The following ACVR1C variants were observed in gnomAD, a reference collection of about 807,000 sequenced individuals.
ACVR1C encodes the protein activin A receptor type 1C, also known as activin receptor type-1C.
ACVR1C carries 23 observed loss-of-function variants against 57.9 expected under a neutral mutation model. That is an observed-to-expected ratio of 0.40 (90% CI 0.29 to 0.56). The LOEUF (loss-of-function observed/expected upper bound fraction) is 0.56. ACVR1C is among the 20% of genes least tolerant of loss of function. The pLI is 0.50. For synonymous variants in ACVR1C, 214 were observed against 215.3 expected, an observed-to-expected ratio of 0.99 and a Z score of 0.05; for missense variants, 480 against 607.9, an observed-to-expected ratio of 0.79 and a Z score of 2.21.
chr2:157,574,935 C>T (rs764914608), intron 2 of ACVR1C, among the ~76,000 whole-genome samples: 6 of 152,068 alleles, frequency 3.9e-5, no homozygotes, highest in African/African-American at 1.2e-4. Context: ...TGGAGGTATA[C>T]TCATGTGCCA....
intron 2 of ACVR1C, among the ~76,000 whole-genome samples, chr2:157,557,670 A>G (rs1688136782): frequency 6.6e-6 from 1 of 152,216 alleles, no homozygotes. Context: ...AATCACTAAA[A>G]GTTCTACTAG....
intron 8 of ACVR1C, among the ~76,000 whole-genome samples, chr2:157,534,944 C>T (rs1687445690): frequency 6.6e-6 from 1 of 151,910 alleles, no homozygotes; most frequent in East Asian, 1.9e-4. Flanking sequence ...TTGCTTAAGC[C>T]CAGGAGTTCA....
chr2:157,547,627 T>C lies in ACVR1C; in HGVS notation c.775+2535A>G, dbSNP rs566942311. On this transcript the variant is annotated intron_variant, in intron 4 of 8. Transcript: ENST00000243349. ...TGCATAAATGTCTTCTTTTGAGAAGTGTCTGTTCATGTCCTTTGCCCACTT... is the reference window on the plus strand; with the variant it reads ...TGCATAAATGTCTTCTTTTGAGAAGCGTCTGTTCATGTCCTTTGCCCACTT... Among the ~76,000 whole-genome samples the C allele has an allele frequency of 1.3e-3, 185 of 141,042 alleles. 1 individual carries two copies. The highest frequency in any genetic ancestry group is 7.0e-3 in the Middle Eastern group (2 of 286). The allele number at this position is 141,042 out of a possible 152,430, so 92.5% of individuals were successfully genotyped here.
intron 4 of ACVR1C, among the ~76,000 whole-genome samples, chr2:157,549,829 C>CGAA (rs1687867239): frequency 2.1e-5 from 1 of 47,544 alleles, no homozygotes; most frequent in Non-Finnish European, 4.6e-5. Context: ...ACTAAAAATA[C>CGAA]AAAAAAAAAA....
intron 3 of ACVR1C, among the ~76,000 whole-genome samples, chr2:157,550,734 C>A (rs200811042): frequency 2.4e-3 from 326 of 138,150 alleles, no homozygotes; most frequent in South Asian, 3.8e-3. Flanking sequence ...AGAGTAAAAG[C>A]AAAAAAAAAA....
chr2:157,552,498 A>G (rs1288653356), intron 3 of ACVR1C, among the ~76,000 whole-genome samples: 1 of 152,180 alleles, frequency 6.6e-6, no homozygotes, highest in Non-Finnish European at 1.5e-5. Context: ...TATGCTAACA[A>G]TTATTAGGCC....
chr2:157,549,501 G>A (rs79863650), intron 4 of ACVR1C, among the ~76,000 whole-genome samples: 2,128 of 152,190 alleles, frequency 0.014, 46 homozygotes, highest in African/African-American at 0.048. Flanking sequence ...TTCTACTTGA[G>A]GCTTCTGTTC....
In ACVR1C at chr2:157,550,266, A is replaced by T. The variant is rs780950238; in HGVS notation, c.671T>A (p.Phe224Tyr). 2 of 1,614,062 alleles carry T rather than the reference A, an allele frequency of 1.2e-6. No homozygotes were observed. The highest frequency in any genetic ancestry group is 1.7e-6 in the Non-Finnish European group (2 of 1,180,006). Residue 224 changes from phenylalanine (F) to tyrosine (Y), a missense_variant, in exon 4 of 9, where the codon TTC becomes TAC. By Grantham distance (22) the Phe-to-Tyr change is conservative (BLOSUM62 3). Transcript: ENST00000243349. ...WCGEDVAVKIFSSRDERSWFR... is the reference protein window; with the variant it reads ...WCGEDVAVKIYSSRDERSWFR... ...CCAAGATCTTTCATCTCTGGAGGAGAATATTTTCACAGCCACATCTTCCCC... is the reference window on the plus strand; with the variant it reads ...CCAAGATCTTTCATCTCTGGAGGAGTATATTTTCACAGCCACATCTTCCCC...
At chr2:157,544,790 G>C (rs1687710025) in intron 4 of ACVR1C, among the ~76,000 whole-genome samples, 178 bp from the exon 5 acceptor site, 1 of 152,178 alleles carries the variant, frequency 6.6e-6, no homozygotes, top group East Asian at 1.9e-4. Context: ...TGAAGATATT[G>C]ATATGTTGGA....
rs1484622621 is a variant in ACVR1C at position 157,624,298 on chromosome 2, A to G, written c.73+4274T>C. Among the ~76,000 whole-genome samples, 4 of 152,166 alleles carry G rather than the reference A, an allele frequency of 2.6e-5. No homozygotes were observed. The East Asian group carries it at 7.7e-4, about 29-fold the overall frequency. On this transcript the variant is annotated intron_variant, in intron 1 of 8. Transcript: ENST00000243349. ...AATAACAGGTCCCACAGGGCTCAGC[A>G]GCCTCCTTATTCCTGCCTCTATCCA...
Position 157,544,070 on chromosome 2 carries a change from G to A in ACVR1C, c.943+375C>T, listed in dbSNP as rs1201357525. Among the ~76,000 whole-genome samples, 18 of 127,746 alleles carry A rather than the reference G, an allele frequency of 1.4e-4. No homozygotes were observed. The Admixed American group carries it at 1.6e-3, about 11-fold the overall frequency. The allele number at this position is 127,746 out of a possible 152,430, so 83.8% of individuals were successfully genotyped here. A position where few individuals can be genotyped will look rare whatever the true frequency, so the allele number is the denominator to read the frequency against. On this transcript the variant is annotated intron_variant, in intron 5 of 8. Coordinates refer to ENST00000243349, the MANE Select transcript of ACVR1C (RefSeq NM_145259.3). ...TTTTTTTTTTTTGAGACAGGGTCTC[G>A]TTCTGTCACCCAAACTAGAGTGCAG...
At chr2:157,584,334 G>A (rs1327572399) in intron 2 of ACVR1C, among the ~76,000 whole-genome samples, 5 of 151,932 alleles carry the variant, frequency 3.3e-5, no homozygotes, top group Admixed American at 1.3e-4. Flanking sequence ...TCGATCTCCC[G>A]ACCTTGTGAT....
chr2:157,602,557 T>A (rs1446656571), intron 1 of ACVR1C, among the ~76,000 whole-genome samples: 2 of 152,190 alleles, frequency 1.3e-5, no homozygotes, highest in African/African-American at 4.8e-5. Context: ...TTTCTACTTC[T>A]ACATGAAATA....
chr2:157,535,143 C>A (rs903274077), intron 8 of ACVR1C, among the ~76,000 whole-genome samples: 40 of 95,982 alleles, frequency 4.2e-4, no homozygotes, highest in South Asian at 7.0e-4. Context: ...AGACTCTGTC[C>A]AAAAAAAAAA....
chr2:157,587,306 G>A lies in ACVR1C; in HGVS notation c.185C>T (p.Ser62Phe). The change falls in exon 2 of 9, where the codon TCC becomes TTC. Residue 62 changes from serine to phenylalanine, a missense_variant. Ser to Phe is a radical substitution (Grantham distance 155, BLOSUM62 -2). Transcript: ENST00000243349. Reference sequence around the variant, plus strand: ...ATTCAGTTCTGGAAGGGAGACACAGGATTTGATCACCTGCTCTTTTCCATT... The same window carrying A: ...ATTCAGTTCTGGAAGGGAGACACAGAATTTGATCACCTGCTCTTTTCCATT... Reference protein sequence around the residue: ...LTNGKEQVIKSCVSLPELNAQ... With the variant: ...LTNGKEQVIKFCVSLPELNAQ... 1 of 1,613,674 alleles carries A rather than the reference G, an allele frequency of 6.2e-7. No individual in the cohort carries two copies. Among genetic ancestry groups the A allele is most frequent in the Non-Finnish European group, 8.5e-7 (1 of 1,179,650 alleles).
At chr2:157,580,304 T>A (rs1263520277) in intron 2 of ACVR1C, among the ~76,000 whole-genome samples, 2 of 152,188 alleles carry the variant, frequency 1.3e-5, no homozygotes, top group African/African-American at 4.8e-5. Context: ...GTTTCCTATC[T>A]TATTTAAGAA....
intron 2 of ACVR1C, among the ~76,000 whole-genome samples, chr2:157,560,940 A>G (rs1344712264): frequency 6.6e-6 from 1 of 152,196 alleles, no homozygotes; most frequent in Admixed American, 6.5e-5. Flanking sequence ...TTACAGACAC[A>G]TTCCCCACTA....
At chr2:157,579,876 C>T (rs573082537) in intron 2 of ACVR1C, among the ~76,000 whole-genome samples, 2 of 152,086 alleles carry the variant, frequency 1.3e-5, no homozygotes, top group East Asian at 1.9e-4. Context: ...TTAACTTTTG[C>T]CCATCTAATA....
intron 2 of ACVR1C, among the ~76,000 whole-genome samples, chr2:157,563,600 G>A (rs538590686): frequency 6.6e-6 from 1 of 152,278 alleles, no homozygotes; most frequent in African/African-American, 2.4e-5. Context: ...ATTCTTCACA[G>A]AATTAGAAAA....
Sources: allele counts gnomAD v4.1 joint callset (sites outside exome capture counted in the v4.1 genomes callset), GRCh38; gene constraint gnomAD v4.1.1; transcripts MANE v1.5; gene names NCBI Gene and HGNC (gene_info 2026-07-23, HGNC 2026-07-21).